SNTB1: variants seen among roughly 807,000 people sequenced by gnomAD.
SNTB1 encodes beta-1-syntrophin.
Under a neutral mutation model 48.9 loss-of-function variants are expected in SNTB1, and 36 were observed. That is an observed-to-expected ratio of 0.74 (90% CI 0.56 to 0.97). SNTB1 has a LOEUF of 0.97. SNTB1 is among the 50% of genes least tolerant of loss of function. The pLI is 0.00. For synonymous variants in SNTB1, 299 were observed against 294.6 expected, an observed-to-expected ratio of 1.01 and a Z score of -0.15; for missense variants, 786 against 703.4, an observed-to-expected ratio of 1.12 and a Z score of -1.33.
At chr8:120,601,954 T>G (rs2130719972) in intron 3 of SNTB1, among the ~76,000 whole-genome samples, 1 of 152,314 alleles carries the variant, frequency 6.6e-6, no homozygotes, top group South Asian at 2.1e-4. Context: ...CCAGAAACCT[T>G]GAGACTACTT....
intron 1 of SNTB1, among the ~76,000 whole-genome samples, chr8:120,714,206 AAC>A (rs1240464385): frequency 1.3e-5 from 2 of 152,134 alleles, no homozygotes; most frequent in African/African-American, 4.8e-5. Flanking sequence ...GTATTTCTGA[AAC>A]ACTCTCTTTT....
chr8:120,793,662 T>C (rs368210256), intron 1 of SNTB1, among the ~76,000 whole-genome samples: 2 of 151,840 alleles, frequency 1.3e-5, no homozygotes, highest in East Asian at 3.9e-4. Flanking sequence ...GTCTAAGGAG[T>C]TGTGTAACTG....
intron 1 of SNTB1, among the ~76,000 whole-genome samples, chr8:120,725,452 C>G (rs1234776683): frequency 6.6e-6 from 1 of 152,148 alleles, no homozygotes; most frequent in Admixed American, 6.5e-5. Flanking sequence ...TAGGGGAACC[C>G]AAACTTTGAG....
intron 4 of SNTB1, 23 bp from the exon 5 acceptor site, chr8:120,548,981 ATCATCAAAATG>A (rs1295746224): frequency 2.6e-6 from 4 of 1,515,154 alleles, no homozygotes; most frequent in Non-Finnish European, 3.5e-6. Context: ...AGAGAGAGAC[ATCATCAAAATG>A]GAGACTAGTT....
chr8:120,636,613 G>A (rs1006219199), intron 2 of SNTB1, among the ~76,000 whole-genome samples: 3 of 149,772 alleles, frequency 2.0e-5, no homozygotes, highest in Non-Finnish European at 4.4e-5. Context: ...TGGTGTATAT[G>A]TGCCACATTT....
At chr8:120,550,523 C>G (rs564729863) in intron 4 of SNTB1, among the ~76,000 whole-genome samples, 3 of 128,566 alleles carry the variant, frequency 2.3e-5, no homozygotes, top group East Asian at 2.2e-4. Flanking sequence ...GCCTGGGCAA[C>G]AGTGCGAGAC....
intron 1 of SNTB1, among the ~76,000 whole-genome samples, chr8:120,729,538 A>G (rs1026797853): frequency 6.6e-6 from 1 of 152,228 alleles, no homozygotes; most frequent in African/African-American, 2.4e-5. Context: ...AATGGAAGTG[A>G]GGGCTGAGGG....
chr8:120,671,816 T>A (rs1348927059), intron 2 of SNTB1, among the ~76,000 whole-genome samples: 1 of 152,244 alleles, frequency 6.6e-6, no homozygotes, highest in Non-Finnish European at 1.5e-5. Flanking sequence ...ACAGTATTGC[T>A]TCTTTGAGAG....
intron 2 of SNTB1, among the ~76,000 whole-genome samples, chr8:120,636,399 C>G (rs1214054156): frequency 2.6e-5 from 3 of 116,544 alleles, no homozygotes; most frequent in Middle Eastern, 4.0e-3. Context: ...CCCCTCCCCC[C>G]ACCCCACAAC....
intron 2 of SNTB1, 55 bp downstream of exon 2, chr8:120,693,637 A>G: frequency 6.7e-7 from 1 of 1,491,324 alleles, no homozygotes; most frequent in Non-Finnish European, 9.3e-7. Flanking sequence ...GCCCCCATTT[A>G]GCCTGAGAGG....
At chr8:120,799,074 C>T (rs891094163) in intron 1 of SNTB1, among the ~76,000 whole-genome samples, 4 of 151,970 alleles carry the variant, frequency 2.6e-5, no homozygotes, top group Non-Finnish European at 4.4e-5. Context: ...TTGGTAAATC[C>T]ATTTTACCGG....
At chr8:120,616,142 G>A (rs143549201) in intron 3 of SNTB1, among the ~76,000 whole-genome samples, 53 of 152,116 alleles carry the variant, frequency 3.5e-4, no homozygotes, top group African/African-American at 1.0e-3. Flanking sequence ...TCTCCAAGTC[G>A]GTAATGATTC....
intron 3 of SNTB1, among the ~76,000 whole-genome samples, chr8:120,592,161 C>T (rs1816249109): frequency 6.6e-6 from 1 of 151,794 alleles, no homozygotes; most frequent in South Asian, 2.1e-4. Flanking sequence ...AATTAGCAGT[C>T]CAATTTCAAG....
intron 2 of SNTB1, among the ~76,000 whole-genome samples, chr8:120,668,987 G>A (rs1261468942): frequency 6.6e-6 from 1 of 152,198 alleles, no homozygotes; most frequent in East Asian, 1.9e-4. Flanking sequence ...CTTAGAAGCT[G>A]AGGGGATGAA....
At chr8:120,717,470 T>C (rs771553688) in intron 1 of SNTB1, among the ~76,000 whole-genome samples, 10 of 152,234 alleles carry the variant, frequency 6.6e-5, no homozygotes, top group Non-Finnish European at 1.5e-4. Flanking sequence ...TGCTCATCAG[T>C]TGTTGTTTTG....
chr8:120,749,134 C>T (rs141198762), intron 1 of SNTB1, among the ~76,000 whole-genome samples: 1 of 152,138 alleles, frequency 6.6e-6, no homozygotes, highest in African/African-American at 2.4e-5. Flanking sequence ...AAAATTGAAT[C>T]AAAGGAAAGC....
chr8:120,705,592 G>A (rs1358377076), intron 1 of SNTB1, among the ~76,000 whole-genome samples: 1 of 152,164 alleles, frequency 6.6e-6, no homozygotes, highest in African/African-American at 2.4e-5. Flanking sequence ...CTATCTCCCA[G>A]TCACATTGCA....
At chr8:120,637,168 T>C (rs1026090231) in intron 2 of SNTB1, 19 of 315,642 alleles carry the variant, frequency 6.0e-5, no homozygotes. Flanking sequence ...TAAGCAAACA[T>C]GGGGGAGAGC....
intron 1 of SNTB1, among the ~76,000 whole-genome samples, chr8:120,750,215 T>C (rs1005501001): frequency 6.7e-6 from 1 of 148,532 alleles, no homozygotes; most frequent in Non-Finnish European, 1.5e-5. Flanking sequence ...CTTCCTTTAC[T>C]TATTCCCTTA....
Sources: allele counts gnomAD v4.1 joint callset (sites outside exome capture counted in the v4.1 genomes callset), GRCh38; gene constraint gnomAD v4.1.1; transcripts MANE v1.5; gene names NCBI Gene and HGNC (gene_info 2026-07-23, HGNC 2026-07-21).